Variants in LRRC37A2 observed in about 807,000 individuals in gnomAD.
LRRC37A2 encodes leucine rich repeat containing 37 member A2, also known as leucine-rich repeat-containing protein 37A2.
Under a neutral mutation model 68.8 loss-of-function variants are expected in LRRC37A2, and 9 were observed. The observed-to-expected ratio is 0.13, with a 90% confidence interval of 0.08 to 0.23. LRRC37A2 has a LOEUF of 0.23. LRRC37A2 is among the 10% of genes least tolerant of loss of function. The pLI is 1.00. For synonymous variants in LRRC37A2, 63 were observed against 367.6 expected, an observed-to-expected ratio of 0.17 and a Z score of 9.48; for missense variants, 168 against 950.4, an observed-to-expected ratio of 0.18 and a Z score of 10.82.
chr17:47,033,390 G>T, the LRRC37A2 span: 1 of 697,352 alleles, frequency 1.4e-6, no homozygotes, highest in African/African-American at 1.8e-5. Context: ...ACCTATGTAG[G>T]TGAATAAAGG....
the LRRC37A2 span, chr17:46,711,052 T>C: frequency 2.5e-6 from 4 of 1,589,522 alleles, no homozygotes; most frequent in South Asian, 3.5e-5. Flanking sequence ...TTCTAGATGA[T>C]GGGGAGCTGC....
chr17:46,857,474 CAAAAAAAAA>C, the LRRC37A2 span, among the ~76,000 whole-genome samples: 1 of 94,652 alleles, frequency 1.1e-5, no homozygotes, highest in Admixed American at 1.2e-4. Flanking sequence ...GACTCTGTCT[CAAAAAAAAA>C]AAAAAAAAAA....
At chr17:46,970,075 A>G in the LRRC37A2 span, among the ~76,000 whole-genome samples, 1 of 152,194 alleles carries the variant, frequency 6.6e-6, no homozygotes, top group African/African-American at 2.4e-5. Context: ...CATCCCCAGC[A>G]TAGAGTGGTG....
the LRRC37A2 span, among the ~76,000 whole-genome samples, chr17:46,810,252 C>T: frequency 2.0e-5 from 3 of 152,168 alleles, no homozygotes; most frequent in Non-Finnish European, 2.9e-5. Flanking sequence ...AGGTGATCCA[C>T]CCGCCTCGGC....
At chr17:46,999,136 C>T in the LRRC37A2 span, among the ~76,000 whole-genome samples, 1 of 152,246 alleles carries the variant, frequency 6.6e-6, no homozygotes, top group African/African-American at 2.4e-5. Flanking sequence ...GAGAAGGACA[C>T]TTCCGTTTAA....
the LRRC37A2 span, among the ~76,000 whole-genome samples, chr17:46,490,596 C>T: frequency 3.1e-4 from 46 of 150,246 alleles, 1 homozygote; most frequent in Non-Finnish European, 5.3e-4. Flanking sequence ...TGGTGGTAGG[C>T]GCCTGTAGTC....
At chr17:46,995,294 C>T in the LRRC37A2 span, among the ~76,000 whole-genome samples, 10 of 152,296 alleles carry the variant, frequency 6.6e-5, no homozygotes, top group East Asian at 1.7e-3. Flanking sequence ...AGCCGAGCCC[C>T]CTGGGCCTGA....
the LRRC37A2 span, among the ~76,000 whole-genome samples, chr17:46,676,261 T>A: frequency 6.8e-6 from 1 of 147,732 alleles, no homozygotes; most frequent in African/African-American, 2.6e-5. Context: ...AGATGGAGTT[T>A]TGCTCTTGTT....
At chr17:46,882,756 C>T in the LRRC37A2 span, among the ~76,000 whole-genome samples, 340 of 152,232 alleles carry the variant, frequency 2.2e-3, 1 homozygote, top group African/African-American at 7.5e-3. Flanking sequence ...CTATGGTGCA[C>T]GAGGCACGTG....
chr17:46,528,736 A>G (rs2053166767), intron 6 of LRRC37A2: 6 of 668,312 alleles, frequency 9.0e-6, no homozygotes, highest in East Asian at 8.2e-5. Context: ...AAAAAAAAAA[A>G]AAAAAGGAAA....
At chr17:46,898,800 G>A in the LRRC37A2 span, among the ~76,000 whole-genome samples, 7 of 152,172 alleles carry the variant, frequency 4.6e-5, no homozygotes, top group African/African-American at 7.2e-5. Flanking sequence ...TGAAACATTC[G>A]TCCATTGCTG....
the LRRC37A2 span, among the ~76,000 whole-genome samples, chr17:46,905,966 G>T: frequency 6.6e-6 from 1 of 152,184 alleles, no homozygotes; most frequent in Non-Finnish European, 1.5e-5. Context: ...CACAGCATCT[G>T]GGAGGAACGG....
chr17:46,864,236 A>T, the LRRC37A2 span, among the ~76,000 whole-genome samples: 1 of 152,160 alleles, frequency 6.6e-6, no homozygotes, highest in Non-Finnish European at 1.5e-5. Flanking sequence ...AGAGTCACCC[A>T]GTACCCTGGT....
the LRRC37A2 span, among the ~76,000 whole-genome samples, chr17:46,875,957 A>G: frequency 5.9e-5 from 9 of 151,700 alleles, no homozygotes; most frequent in African/African-American, 2.2e-4. Flanking sequence ...GCTGTGTTCA[A>G]TCATTGAGTT....
chr17:46,992,444 T>C, the LRRC37A2 span, among the ~76,000 whole-genome samples: 3 of 152,154 alleles, frequency 2.0e-5, no homozygotes, highest in African/African-American at 7.2e-5. Context: ...TTTTTAAAAA[T>C]TCCAAAGCTC....
chr17:46,818,718 C>T, the LRRC37A2 span: 4 of 989,862 alleles, frequency 4.0e-6, no homozygotes, highest in Admixed American at 8.1e-5. Flanking sequence ...CAGAAGCGCA[C>T]CTCCACCCGC....
the LRRC37A2 span, chr17:46,939,789 C>T: frequency 9.1e-6 from 9 of 987,168 alleles, no homozygotes; most frequent in East Asian, 2.3e-4. Context: ...CTTCTGTGAC[C>T]AGCCCCGGAT....
the LRRC37A2 span, among the ~76,000 whole-genome samples, chr17:46,585,430 G>T: frequency 2.2e-5 from 2 of 90,558 alleles, 1 homozygote; most frequent in African/African-American, 7.4e-5. Flanking sequence ...GCTGTGGTGT[G>T]TGGGCCTCTA....
chr17:46,746,790 T>C, the LRRC37A2 span, among the ~76,000 whole-genome samples: 1 of 152,244 alleles, frequency 6.6e-6, no homozygotes, highest in Non-Finnish European at 1.5e-5. Flanking sequence ...AAATGACTTA[T>C]ATCTGTGAGA....
Sources: gnomAD v4.1 joint callset for allele counts (sites outside exome capture counted in the v4.1 genomes callset) on GRCh38, gnomAD v4.1.1 for gene constraint, MANE v1.5 for transcripts, NCBI Gene and HGNC (gene_info 2026-07-23, HGNC 2026-07-21) for gene names.